Variants in FBXL7 observed in about 807,000 individuals in gnomAD.
FBXL7 encodes the protein F-box/LRR-repeat protein 7.
FBXL7 carries 12 observed loss-of-function variants against 38.3 expected under a neutral mutation model. The observed-to-expected ratio is 0.31, with a 90% confidence interval of 0.20 to 0.51. The LOEUF (loss-of-function observed/expected upper bound fraction) is 0.51, where lower values mean the gene tolerates loss of function less well. Ranked by LOEUF, FBXL7 falls within the 20% of genes least tolerant of loss-of-function variation. FBXL7 has a pLI of 0.98. For missense variants in FBXL7, 567 were observed against 676.4 expected, an observed-to-expected ratio of 0.84 and a Z score of 1.79; for synonymous variants, 297 against 300.9, an observed-to-expected ratio of 0.99 and a Z score of 0.13.
In FBXL7 at chr5:15,928,854, G is replaced by A. The variant is rs150965644; in HGVS notation, c.739+353G>A. ...CATTAGGTGTATCTCCACTTCTTAC[G>A]GGAGTTCTTAGGGGAATTCTGGCAC... On this transcript the variant is annotated intron_variant, in intron 3 of 3. Transcript: ENST00000504595. The surrounding 1 kb of genome is among the most constrained non-coding windows in gnomAD (Gnocchi z 4.0). Among the ~76,000 whole-genome samples, 355 of 152,192 alleles carry A rather than the reference G, an allele frequency of 2.3e-3. 3 individuals are homozygous for A. The highest frequency in any genetic ancestry group is 8.3e-3 in the African/African-American group (346 of 41,514).
chr5:15,877,884 A>G (rs1036793889), intron 2 of FBXL7, among the ~76,000 whole-genome samples: 26 of 152,250 alleles, frequency 1.7e-4, no homozygotes, highest in African/African-American at 5.5e-4. Context: ...CTGATCTTCC[A>G]CACTTGTTCG....
intron 2 of FBXL7, among the ~76,000 whole-genome samples, chr5:15,639,071 G>A (rs761673552): frequency 5.3e-5 from 8 of 152,156 alleles, no homozygotes; most frequent in African/African-American, 7.2e-5. Flanking sequence ...GATCTCTCAT[G>A]TCTGAGAAAC....
At chr5:15,852,349 A>G (rs1739122283) in intron 2 of FBXL7, among the ~76,000 whole-genome samples, 1 of 152,214 alleles carries the variant, frequency 6.6e-6, no homozygotes, top group African/African-American at 2.4e-5. Flanking sequence ...AAATTGATAT[A>G]TCTGCCTTAC....
chr5:15,542,540 G>A (rs1360248104), intron 1 of FBXL7, among the ~76,000 whole-genome samples: 1 of 152,080 alleles, frequency 6.6e-6, no homozygotes, highest in African/African-American at 2.4e-5. Context: ...CTATCTACTA[G>A]GTTCATACGA....
chr5:15,816,645 TA>T (rs1486892931), intron 2 of FBXL7, among the ~76,000 whole-genome samples: 1 of 152,106 alleles, frequency 6.6e-6, no homozygotes, highest in Non-Finnish European at 1.5e-5. Flanking sequence ...GCTACTGAAA[TA>T]AAAAAATTAA....
intron 1 of FBXL7, among the ~76,000 whole-genome samples, chr5:15,575,126 A>G (rs1031814172): frequency 2.0e-5 from 3 of 152,162 alleles, no homozygotes; most frequent in Admixed American, 6.5e-5. Context: ...GACAGCATCC[A>G]CAACAAAGAA....
chr5:15,563,475 A>G (rs1389535331), intron 1 of FBXL7, among the ~76,000 whole-genome samples: 1 of 152,138 alleles, frequency 6.6e-6, no homozygotes, highest in African/African-American at 2.4e-5. Context: ...TGGGGCTGCT[A>G]AAGCGTCTTT....
chr5:15,644,566 A>G (rs191270057), intron 2 of FBXL7, among the ~76,000 whole-genome samples: 49 of 152,256 alleles, frequency 3.2e-4, no homozygotes, highest in Non-Finnish European at 4.0e-4. Context: ...AGGGGTACTT[A>G]TTCATCACTT....
At chr5:15,788,625 A>G (rs181609220) in intron 2 of FBXL7, among the ~76,000 whole-genome samples, 4 of 151,814 alleles carry the variant, frequency 2.6e-5, no homozygotes, top group Admixed American at 1.3e-4. Flanking sequence ...TTTGCTGGAA[A>G]CATCACTCTC....
chr5:15,609,900 AG>A (rs1256369893), intron 1 of FBXL7, among the ~76,000 whole-genome samples: 1 of 152,208 alleles, frequency 6.6e-6, no homozygotes, highest in African/African-American at 2.4e-5. Flanking sequence ...CTGCTGATAA[AG>A]ACATACGTGA....
chr5:15,827,708 C>T (rs369004512), intron 2 of FBXL7, among the ~76,000 whole-genome samples: 1 of 152,184 alleles, frequency 6.6e-6, no homozygotes, highest in South Asian at 2.1e-4. Flanking sequence ...CAAAGGTCTC[C>T]TCTCCCTATA....
intron 2 of FBXL7, among the ~76,000 whole-genome samples, chr5:15,868,877 CT>C (rs1739831588): frequency 6.6e-6 from 1 of 152,152 alleles, no homozygotes; most frequent in Non-Finnish European, 1.5e-5. Context: ...CCCCGTAGTA[CT>C]TGCCACTAGA....
At chr5:15,509,534 A>G (rs926290350) in intron 1 of FBXL7, among the ~76,000 whole-genome samples, 1 of 152,154 alleles carries the variant, frequency 6.6e-6, no homozygotes, top group Non-Finnish European at 1.5e-5. Context: ...AGTAATGACA[A>G]CCCTGGACAA....
intron 2 of FBXL7, among the ~76,000 whole-genome samples, chr5:15,871,782 T>C (rs1739976158): frequency 6.6e-6 from 1 of 152,122 alleles, no homozygotes; most frequent in South Asian, 2.1e-4. Context: ...CCAGGAAATA[T>C]GGGACTATGT....
At chr5:15,632,954 A>G (rs1242930284) in intron 2 of FBXL7, among the ~76,000 whole-genome samples, 2 of 152,226 alleles carry the variant, frequency 1.3e-5, no homozygotes, top group East Asian at 1.9e-4. Flanking sequence ...ATCACACAAT[A>G]TACCCAAGTA....
At chr5:15,825,620 T>TAA (rs1738290598) in intron 2 of FBXL7, among the ~76,000 whole-genome samples, 1 of 152,240 alleles carries the variant, frequency 6.6e-6, no homozygotes, top group African/African-American at 2.4e-5. Context: ...ACTTCTGTTG[T>TAA]AATATATAAA....
rs192663478 is a variant in FBXL7, at chr5:15,712,229, A to C, written c.127+96157A>C. The stretch of plus-strand genomic sequence containing the variant: ...ACTTTCCTGTAGTCAAATTTGCAAA[A>C]TATGTGTAAAATGAATTAGAACTCT... On this transcript the variant is annotated intron_variant, in intron 2 of 3. Transcript: ENST00000504595. Among the ~76,000 whole-genome samples, 303 of 152,326 alleles carry C rather than the reference A, an allele frequency of 2.0e-3. 1 individual carries two copies. The highest frequency in any genetic ancestry group is 6.9e-3 in the African/African-American group (287 of 41,574).
chr5:15,817,940 A>T (rs1738064453), intron 2 of FBXL7, among the ~76,000 whole-genome samples: 1 of 152,196 alleles, frequency 6.6e-6, no homozygotes, highest in Admixed American at 6.5e-5. Flanking sequence ...ATTCCATACA[A>T]GATAGAGTCA....
chr5:15,577,100 T>A (rs1306790014), intron 1 of FBXL7, among the ~76,000 whole-genome samples: 1 of 152,234 alleles, frequency 6.6e-6, no homozygotes, highest in African/African-American at 2.4e-5. Context: ...AGAAGCAGCC[T>A]GGATAACAAT....
Sources: gnomAD v4.1 joint callset for allele counts (sites outside exome capture counted in the v4.1 genomes callset) on GRCh38, gnomAD v4.1.1 for gene constraint, Gnocchi (gnomAD v3.1) non-coding constraint, MANE v1.5 for transcripts, NCBI Gene and HGNC (gene_info 2026-07-23, HGNC 2026-07-21) for gene names.